The following DDR2 variants were observed in gnomAD, a reference collection of about 807,000 sequenced individuals.
The protein encoded by DDR2 is discoidin domain receptor tyrosine kinase 2.
Under a neutral mutation model 94.9 loss-of-function variants are expected in DDR2, and 27 were observed. That is an observed-to-expected ratio of 0.28 (90% CI 0.21 to 0.39). The LOEUF (loss-of-function observed/expected upper bound fraction) is 0.39. Among genes scored for constraint, DDR2 ranks in the 10% least tolerant of loss-of-function variants. The pLI, the probability that DDR2 is intolerant of heterozygous loss-of-function variation, is 1.00. For synonymous variants in DDR2, 382 were observed against 377.2 expected (o/e 1.01, Z -0.15); for missense variants, 783 against 1,076.0 (o/e 0.73, Z 3.81).
At chr1:162,732,182 T>G (rs947190007) in intron 3 of DDR2, among the ~76,000 whole-genome samples, 3 of 152,206 alleles carry the variant, frequency 2.0e-5, no homozygotes, top group African/African-American at 4.8e-5. Context: ...AATTTCAACT[T>G]GTGCAAGAGG....
intron 2 of DDR2, among the ~76,000 whole-genome samples, chr1:162,718,723 G>A (rs1411928249): frequency 6.6e-6 from 1 of 152,098 alleles, no homozygotes; most frequent in African/African-American, 2.4e-5. Flanking sequence ...ATAAATATAA[G>A]TTTTACTTTA....
chr1:162,763,205 G>A (rs1663828708), intron 9 of DDR2, among the ~76,000 whole-genome samples: 1 of 148,946 alleles, frequency 6.7e-6, no homozygotes, highest in South Asian at 2.1e-4. Flanking sequence ...TTTTGAGACG[G>A]TATCTTGCTC....
At position 162,755,750 on chromosome 1, in the gene DDR2, G is replaced by A; in HGVS notation, c.652G>A (p.Asp218Asn). 1 of 1,614,158 alleles carries A rather than the reference G, an allele frequency of 6.2e-7. No individual in the cohort carries two copies. ...SIIYLNDSVY[D>N]GAVGYSMTEG... is the part of the protein sequence containing the mutation. ...CATTTATCTGAATGATTCTGTCTATGATGGAGCTGTTGGATACAGGTAAAT... is the reference window on the plus strand; with the variant it reads ...CATTTATCTGAATGATTCTGTCTATAATGGAGCTGTTGGATACAGGTAAAT... Residue 218 changes from aspartate to asparagine, a missense_variant, in exon 7 of 18, where the codon GAT becomes AAT. By Grantham distance (23) the Asp-to-Asn change is conservative. Coordinates refer to ENST00000367921, the MANE Select transcript of DDR2 (RefSeq NM_006182.4).
intron 2 of DDR2, among the ~76,000 whole-genome samples, chr1:162,711,029 A>G (rs536835142): frequency 6.6e-6 from 1 of 152,322 alleles, no homozygotes; most frequent in South Asian, 2.1e-4. Context: ...TTCATTCTTC[A>G]GCAAAGTCGA....
At chr1:162,648,929 G>C (rs1657547923) in intron 1 of DDR2, among the ~76,000 whole-genome samples, 1 of 152,128 alleles carries the variant, frequency 6.6e-6, no homozygotes, top group African/African-American at 2.4e-5. Context: ...CTTTGTTACT[G>C]GCAGAGCAGA....
At chr1:162,654,459 C>A (rs1428885722) in intron 1 of DDR2, among the ~76,000 whole-genome samples, 2 of 152,026 alleles carry the variant, frequency 1.3e-5, no homozygotes, top group Non-Finnish European at 2.9e-5. Context: ...AATACAACAG[C>A]AAACAAACAA....
chr1:162,636,869 C>T (rs1327698170), intron 1 of DDR2, among the ~76,000 whole-genome samples: 2 of 151,782 alleles, frequency 1.3e-5, no homozygotes. Flanking sequence ...GCATTTTTTC[C>T]TTTTAAAATT....
Position 162,755,768 on chromosome 1 carries a change from A to G in DDR2, c.670A>G (p.Ser224Gly). The G allele has an allele frequency of 6.2e-7, 1 of 1,613,676 alleles. No individual in the cohort carries two copies. The highest frequency in any genetic ancestry group is 8.5e-7 in the Non-Finnish European group (1 of 1,179,558). The change falls in exon 7 of 18, where the codon AGC (serine) becomes GGC (glycine). Residue 224 changes from serine to glycine, a missense_variant and splice_region_variant. By Grantham distance (56) the Ser-to-Gly change is moderately conservative. Transcript: ENST00000367921. The stretch of plus-strand genomic sequence containing the variant: ...TGTCTATGATGGAGCTGTTGGATAC[A>G]GGTAAATCCTGGGAAACTTTATTAG... ...DSVYDGAVGY[S>G]MTEGLGQLTD...
chr1:162,768,171 AT>A (rs2102175754), intron 11 of DDR2, among the ~76,000 whole-genome samples: 1 of 152,318 alleles, frequency 6.6e-6, no homozygotes. Flanking sequence ...AAATGCATTG[AT>A]TTCTTTCTTC....
chr1:162,722,607 G>A (rs1661473322), intron 3 of DDR2, among the ~76,000 whole-genome samples: 1 of 152,182 alleles, frequency 6.6e-6, no homozygotes, highest in South Asian at 2.1e-4. Context: ...CAGATGATTG[G>A]AATGTTATTA....
At chr1:162,658,930 T>C (rs1237727894) in intron 2 of DDR2, among the ~76,000 whole-genome samples, 1 of 152,024 alleles carries the variant, frequency 6.6e-6, no homozygotes, top group Non-Finnish European at 1.5e-5. Context: ...TCCAGAAACA[T>C]TCTGAAAAGC....
At chr1:162,649,176 G>A (rs1421489147) in intron 1 of DDR2, among the ~76,000 whole-genome samples, 1 of 152,084 alleles carries the variant, frequency 6.6e-6, no homozygotes, top group Non-Finnish European at 1.5e-5. Context: ...AAAAAATATT[G>A]TTAGAGAATT....
chr1:162,754,533 C>T, intron 4 of DDR2, 91 bp from the exon 5 acceptor site: 2 of 1,311,102 alleles, frequency 1.5e-6, no homozygotes, highest in Non-Finnish European at 2.2e-6. Context: ...GCTCTCTCCC[C>T]TCAGTACAGG....
At chr1:162,727,327 A>G (rs1661734481) in intron 3 of DDR2, among the ~76,000 whole-genome samples, 1 of 141,902 alleles carries the variant, frequency 7.0e-6, no homozygotes, top group African/African-American at 2.5e-5. Flanking sequence ...TAAATATTAT[A>G]ATAAATATAC....
At chr1:162,766,372 G>T (rs1050743401) in intron 10 of DDR2, among the ~76,000 whole-genome samples, 2 of 152,198 alleles carry the variant, frequency 1.3e-5, no homozygotes, top group African/African-American at 4.8e-5. Context: ...CCCATAGTGG[G>T]TATTTCTAAG....
chr1:162,698,033 C>T (rs1215526338), intron 2 of DDR2, among the ~76,000 whole-genome samples: 2 of 152,160 alleles, frequency 1.3e-5, no homozygotes, highest in Non-Finnish European at 2.9e-5. Context: ...TTAAATAAAT[C>T]CTCAACAAGA....
chr1:162,719,014 CTTGCATTATTGGTTGG>C lies in DDR2; in HGVS notation c.-27-21_-27-6del. On this transcript the variant is annotated splice_polypyrimidine_tract_variant and splice_region_variant and intron_variant, in intron 2 of 17. Transcript: ENST00000367921. ...TTTCCTCTCCTTCTCTTTCTGTTTT[CTTGCATTATTGGTTGG>C]TGGCAGACTCCAGTTCCAACACCAT... 2 of 1,609,516 alleles carry C rather than the reference CTTGCATTATTGGTTGG, an allele frequency of 1.2e-6. No homozygotes were observed. Among genetic ancestry groups the C allele is most frequent in the Non-Finnish European group, 1.7e-6 (2 of 1,176,192 alleles).
chr1:162,780,392 C>T lies in DDR2; in HGVS notation c.*146C>T. The T allele has an allele frequency of 8.2e-7, 1 of 1,217,206 alleles. No individual in the cohort carries two copies. The allele number at this position is 1,217,206 out of a possible 1,614,324, so 75.4% of individuals were successfully genotyped here. A position where few individuals can be genotyped will look rare whatever the true frequency, so the allele number is the denominator to read the frequency against. On this transcript the variant is annotated 3_prime_UTR_variant, in exon 18 of 18. Coordinates refer to ENST00000367921, the MANE Select transcript of DDR2 (RefSeq NM_006182.4). ...GCTTTGCCCTCTTTTCCTGGTCACC[C>T]CCACTCCCTACCCCTGACTCATATA...
intron 2 of DDR2, among the ~76,000 whole-genome samples, chr1:162,682,106 G>A (rs1659437770): frequency 6.6e-6 from 1 of 151,982 alleles, no homozygotes; most frequent in African/African-American, 2.4e-5. Flanking sequence ...TGTCCTGCCC[G>A]GGCTCCTCCC....
Sources: allele counts gnomAD v4.1 joint callset (sites outside exome capture counted in the v4.1 genomes callset), GRCh38; gene constraint gnomAD v4.1.1; transcripts MANE v1.5; gene names NCBI Gene and HGNC (gene_info 2026-07-23, HGNC 2026-07-21).